Variants in MAP2K4 observed in about 807,000 individuals in gnomAD.
MAP2K4 encodes the protein mitogen-activated protein kinase kinase 4.
A neutral mutation model predicts 48.5 loss-of-function variants in MAP2K4; 4 were observed. That is an observed-to-expected ratio of 0.08 (90% confidence interval 0.04 to 0.19). The LOEUF (loss-of-function observed/expected upper bound fraction) is 0.19, where lower values mean the gene tolerates loss of function less well. Ranked by LOEUF, MAP2K4 falls within the 10% of genes least tolerant of loss-of-function variation. The pLI is 1.00. For missense variants in MAP2K4, 258 were observed against 493.3 expected, an observed-to-expected ratio of 0.52 and a Z score of 4.52; for synonymous variants, 166 against 173.1, an observed-to-expected ratio of 0.96 and a Z score of 0.32.
intron 2 of MAP2K4, among the ~76,000 whole-genome samples, chr17:12,059,145 GACTC>G (rs1970373633): frequency 6.6e-6 from 1 of 152,132 alleles, no homozygotes; most frequent in African/African-American, 2.4e-5. Context: ...TTATAATAGA[GACTC>G]TTGTACCCAC....
chr17:12,023,079 A>C (rs1969141596), intron 1 of MAP2K4, among the ~76,000 whole-genome samples: 1 of 152,236 alleles, frequency 6.6e-6, no homozygotes, highest in Non-Finnish European at 1.5e-5. Flanking sequence ...AAAAGGACCT[A>C]AGACCTCTCT....
intron 2 of MAP2K4, among the ~76,000 whole-genome samples, chr17:12,075,187 A>G (rs190971271): frequency 1.5e-4 from 23 of 152,352 alleles, no homozygotes; most frequent in African/African-American, 5.3e-4. Flanking sequence ...CATGGCGTTT[A>G]TAAAAATGGA....
chr17:12,104,594 C>T (rs1312655230), intron 4 of MAP2K4, among the ~76,000 whole-genome samples: 2 of 151,890 alleles, frequency 1.3e-5, no homozygotes, highest in East Asian at 3.9e-4. Flanking sequence ...TATAATTCTA[C>T]TGAGTTTGGT....
At chr17:12,136,797 T>A (rs1973226172) in intron 9 of MAP2K4, among the ~76,000 whole-genome samples, 1 of 152,146 alleles carries the variant, frequency 6.6e-6, no homozygotes, top group African/African-American at 2.4e-5. Flanking sequence ...GTATGGCAGC[T>A]TTACAAAGAA....
Position 12,069,778 on chromosome 17 carries a change from A to G in MAP2K4, c.219-11578A>G. ...ATTAACAGAGCTGCATTGCAGAAGG[A>G]TGCATAAAGCAGTATTCATCTAGAG... On this transcript the variant is annotated intron_variant, in intron 2 of 10. Coordinates refer to ENST00000353533, the MANE Select transcript of MAP2K4 (RefSeq NM_003010.4). 4.3e-6 allele frequency: 4 copies of G among 939,340 alleles called. No homozygotes were observed. In the South Asian group the frequency reaches 6.8e-5, roughly 16 times the overall value. The allele number at this position is 939,340 out of a possible 1,614,324, so 58.2% of individuals were successfully genotyped here.
chr17:12,022,004 A>C (rs929740380), intron 1 of MAP2K4, among the ~76,000 whole-genome samples: 1 of 152,168 alleles, frequency 6.6e-6, no homozygotes, highest in African/African-American at 2.4e-5. Context: ...TAAAACAGGG[A>C]ATCTCAGAAC....
At chr17:12,027,010 A>C (rs1969272832) in intron 1 of MAP2K4, 1 of 152,244 alleles carries the variant, frequency 6.6e-6, no homozygotes, top group African/African-American at 2.4e-5. Flanking sequence ...AAAGGAACTC[A>C]TTTGTCATAA....
At chr17:12,134,473 C>T (rs1453408475) in intron 9 of MAP2K4, among the ~76,000 whole-genome samples, 1 of 152,090 alleles carries the variant, frequency 6.6e-6, no homozygotes, top group African/African-American at 2.4e-5. Context: ...GCAGGTTAAC[C>T]AGATCTGTAA....
At chr17:12,042,903 CG>C (rs1969837434) in intron 1 of MAP2K4, among the ~76,000 whole-genome samples, 1 of 151,904 alleles carries the variant, frequency 6.6e-6, no homozygotes, top group Non-Finnish European at 1.5e-5. Flanking sequence ...AAAAATTAGC[CG>C]GGCGTAGTGG....
chr17:12,050,210 C>CGGCAGGG (rs1024161383), intron 1 of MAP2K4, among the ~76,000 whole-genome samples: 1 of 151,986 alleles, frequency 6.6e-6, no homozygotes, highest in Non-Finnish European at 1.5e-5. Context: ...CATTAGATGG[C>CGGCAGGG]GGCAGGGGGC....
At chr17:12,021,053 G>A (rs1014753700) in intron 1 of MAP2K4, 52 bp downstream of exon 1, 2 of 1,110,464 alleles carry the variant, frequency 1.8e-6, no homozygotes, top group African/African-American at 1.6e-5. Context: ...GGCAACCCGC[G>A]TCGTCGCGGC....
chr17:12,096,949 T>A (rs1277402781), intron 4 of MAP2K4, among the ~76,000 whole-genome samples: 1 of 152,228 alleles, frequency 6.6e-6, no homozygotes, highest in Non-Finnish European at 1.5e-5. Context: ...ATAATGAGAA[T>A]ATTCATTTTT....
chr17:12,050,886 C>A (rs1301052456), intron 1 of MAP2K4, among the ~76,000 whole-genome samples: 1 of 152,180 alleles, frequency 6.6e-6, no homozygotes, highest in South Asian at 2.1e-4. Flanking sequence ...TCCCTTTCTT[C>A]AGGATTACAG....
At chr17:12,022,024 A>T (rs1208910505) in intron 1 of MAP2K4, among the ~76,000 whole-genome samples, 1 of 152,216 alleles carries the variant, frequency 6.6e-6, no homozygotes, top group Admixed American at 6.5e-5. Context: ...CTCTCTTGAC[A>T]ACTTTAGCAA....
intron 3 of MAP2K4, among the ~76,000 whole-genome samples, chr17:12,088,407 A>G (rs1252184398): frequency 7.0e-6 from 1 of 143,088 alleles, no homozygotes; most frequent in Non-Finnish European, 1.5e-5. Context: ...CTGTGTTGTA[A>G]TATTATATAT....
chr17:12,104,612 T>G (rs1972045932), intron 4 of MAP2K4, among the ~76,000 whole-genome samples: 2 of 152,182 alleles, frequency 1.3e-5, no homozygotes, highest in South Asian at 4.1e-4. Flanking sequence ...GGTCTTTCCC[T>G]AATTAGTTTA....
chr17:12,137,360 G>C (rs1490880842), intron 9 of MAP2K4, among the ~76,000 whole-genome samples: 1 of 152,154 alleles, frequency 6.6e-6, no homozygotes, highest in African/African-American at 2.4e-5. Flanking sequence ...GAAATATGCT[G>C]TAAAAGAAAA....
intron 3 of MAP2K4, among the ~76,000 whole-genome samples, chr17:12,083,795 C>G (rs1487135217): frequency 6.6e-6 from 1 of 152,146 alleles, no homozygotes; most frequent in Non-Finnish European, 1.5e-5. Flanking sequence ...GGTACATTGA[C>G]TGGATTGACA....
chr17:12,024,502 G>A (rs1969194866), intron 1 of MAP2K4, among the ~76,000 whole-genome samples: 1 of 151,884 alleles, frequency 6.6e-6, no homozygotes, highest in Admixed American at 6.6e-5. Flanking sequence ...ACCTTTATAC[G>A]TTGAGTAGTT....
Sources: gnomAD v4.1 joint callset for allele counts (sites outside exome capture counted in the v4.1 genomes callset) on GRCh38, gnomAD v4.1.1 for gene constraint, MANE v1.5 for transcripts, NCBI Gene and HGNC (gene_info 2026-07-23, HGNC 2026-07-21) for gene names.